Variants in CDH13 observed in about 807,000 individuals in gnomAD.
CDH13 encodes the protein cadherin 13, also known as cadherin-13.
CDH13 carries 24 observed loss-of-function variants against 63.8 expected under a neutral mutation model. The observed-to-expected ratio is 0.38, with a 90% confidence interval of 0.27 to 0.53. The LOEUF (loss-of-function observed/expected upper bound fraction) is 0.53. Among genes scored for constraint, CDH13 ranks in the 20% least tolerant of loss-of-function variants. CDH13 has a pLI of 0.85. For synonymous variants in CDH13, 503 were observed against 355.3 expected (o/e 1.42, Z -4.67); for missense variants, 1,049 against 903.1 (o/e 1.16, Z -2.07).
chr16:83,131,356 C>T (rs548460384), intron 4 of CDH13, among the ~76,000 whole-genome samples: 1 of 152,318 alleles, frequency 6.6e-6, no homozygotes, highest in Non-Finnish European at 1.5e-5. Flanking sequence ...CAGTCGTGAA[C>T]ATACTTGCTC....
At chr16:83,285,648 G>A (rs553028119) in intron 5 of CDH13, among the ~76,000 whole-genome samples, 13 of 152,112 alleles carry the variant, frequency 8.5e-5, no homozygotes, top group Non-Finnish European at 1.3e-4. Context: ...TGTTGGAAGG[G>A]TGTTCATAGG....
intron 2 of CDH13, among the ~76,000 whole-genome samples, chr16:82,978,244 C>A (rs1222362939): frequency 6.6e-6 from 1 of 152,166 alleles, no homozygotes; most frequent in Non-Finnish European, 1.5e-5. Context: ...GGAAGCAGAA[C>A]ATAAAAGTTC....
chr16:83,496,682 G>A (rs1335693015), intron 7 of CDH13, among the ~76,000 whole-genome samples: 4 of 152,176 alleles, frequency 2.6e-5, no homozygotes, highest in Non-Finnish European at 5.9e-5. Context: ...AAACGAAAGA[G>A]CTTCTGCACA....
At chr16:82,720,612 A>T (rs893443219) in intron 1 of CDH13, among the ~76,000 whole-genome samples, 2 of 151,908 alleles carry the variant, frequency 1.3e-5, no homozygotes, top group African/African-American at 4.8e-5. Context: ...CCCGGGGAAA[A>T]CCCACACAAA....
intron 8 of CDH13, among the ~76,000 whole-genome samples, chr16:83,614,200 A>G (rs762884275): frequency 4.6e-5 from 7 of 152,210 alleles, no homozygotes; most frequent in Non-Finnish European, 7.3e-5. Context: ...CTGTAAACAG[A>G]TAAGAGTAGG....
intron 5 of CDH13, among the ~76,000 whole-genome samples, chr16:83,319,690 G>C (rs1175509590): frequency 3.3e-5 from 5 of 152,206 alleles, no homozygotes; most frequent in Non-Finnish European, 7.3e-5. Context: ...TCTATGCAAA[G>C]TTGTGACAGG....
intron 2 of CDH13, among the ~76,000 whole-genome samples, chr16:83,000,754 T>A (rs1456783177): frequency 6.6e-6 from 1 of 151,958 alleles, no homozygotes. Flanking sequence ...TAATTTTTTG[T>A]ATTTTTAGTA....
chr16:82,706,349 A>G (rs1436858854), intron 1 of CDH13, among the ~76,000 whole-genome samples: 4 of 152,230 alleles, frequency 2.6e-5, no homozygotes, highest in South Asian at 2.1e-4. Context: ...TGGAAGAAAT[A>G]GACAAGTGAT....
At chr16:82,713,982 C>T (rs758375665) in intron 1 of CDH13, among the ~76,000 whole-genome samples, 8 of 152,144 alleles carry the variant, frequency 5.3e-5, no homozygotes, top group South Asian at 2.1e-4. Context: ...TCACTCTTGT[C>T]GCCTAGGCTG....
At chr16:82,876,662 C>G (rs1597873389) in intron 2 of CDH13, among the ~76,000 whole-genome samples, 2 of 152,258 alleles carry the variant, frequency 1.3e-5, no homozygotes, top group South Asian at 4.1e-4. Context: ...TAACTTAACT[C>G]CAAATACCTT....
At chr16:83,479,037 G>A (rs948946146) in intron 6 of CDH13, among the ~76,000 whole-genome samples, 4 of 152,150 alleles carry the variant, frequency 2.6e-5, no homozygotes, top group African/African-American at 9.7e-5. Context: ...TCCCTATCAG[G>A]TTGGTTGGTT....
chr16:83,382,744 A>C (rs900242918), intron 6 of CDH13, among the ~76,000 whole-genome samples: 3 of 152,200 alleles, frequency 2.0e-5, no homozygotes, highest in Non-Finnish European at 2.9e-5. Context: ...AGATCTGTCC[A>C]GCTGTCCTAG....
At chr16:83,477,564 T>C (rs1234548301) in intron 6 of CDH13, among the ~76,000 whole-genome samples, 9 of 152,168 alleles carry the variant, frequency 5.9e-5, no homozygotes, top group African/African-American at 2.2e-4. Flanking sequence ...TCCCACAGGG[T>C]GAGATCTCTC....
At chr16:83,687,138 G>A (rs912241531) in intron 10 of CDH13, among the ~76,000 whole-genome samples, 1 of 152,084 alleles carries the variant, frequency 6.6e-6, no homozygotes, top group African/African-American at 2.4e-5. Flanking sequence ...ACTTGAACCT[G>A]GGAGGTGGAG....
intron 1 of CDH13, among the ~76,000 whole-genome samples, chr16:82,807,696 C>A (rs1312837567): frequency 1.3e-5 from 2 of 152,128 alleles, no homozygotes; most frequent in Non-Finnish European, 2.9e-5. Flanking sequence ...AGAAAATGTG[C>A]TTCCTGTTTC....
At chr16:83,306,409 G>T (rs1047052482) in intron 5 of CDH13, among the ~76,000 whole-genome samples, 6 of 152,112 alleles carry the variant, frequency 3.9e-5, no homozygotes, top group African/African-American at 7.2e-5. Flanking sequence ...GCTTTTGAGA[G>T]CCCAGATTCA....
intron 11 of CDH13, among the ~76,000 whole-genome samples, chr16:83,756,715 A>C (rs1442567279): frequency 6.6e-6 from 1 of 152,250 alleles, no homozygotes; most frequent in Non-Finnish European, 1.5e-5. Flanking sequence ...TTTCATAATG[A>C]TGAAGGGAGG....
intron 3 of CDH13, among the ~76,000 whole-genome samples, chr16:83,050,880 C>A: frequency 6.6e-6 from 1 of 152,112 alleles, no homozygotes; most frequent in South Asian, 2.1e-4. Flanking sequence ...TGCACCTGAA[C>A]CCACCACCTT....
chr16:83,129,778 C>A (rs762549023), intron 4 of CDH13, among the ~76,000 whole-genome samples: 1 of 152,240 alleles, frequency 6.6e-6, no homozygotes, highest in Non-Finnish European at 1.5e-5. Flanking sequence ...AGCCACCAGT[C>A]TGCTGGTCTG....
Sources: gnomAD v4.1 joint callset for allele counts (sites outside exome capture counted in the v4.1 genomes callset) on GRCh38, gnomAD v4.1.1 for gene constraint, MANE v1.5 for transcripts, NCBI Gene and HGNC (gene_info 2026-07-23, HGNC 2026-07-21) for gene names.